Variants in XPNPEP3 observed in about 807,000 individuals in gnomAD.
The protein encoded by XPNPEP3 is X-prolyl aminopeptidase 3, also known as xaa-Pro aminopeptidase 3.
In XPNPEP3, 41 loss-of-function variants were observed where a neutral mutation model predicts 60.0. That is an observed-to-expected ratio of 0.68 (90% confidence interval 0.53 to 0.89). The LOEUF is 0.89. Ranked by LOEUF, XPNPEP3 falls within the 40% of genes least tolerant of loss-of-function variation. XPNPEP3 has a pLI of 0.00. For synonymous variants in XPNPEP3, 212 were observed against 223.2 expected (o/e 0.95, Z 0.45); for missense variants, 598 against 638.9 (o/e 0.94, Z 0.69).
At chr22:40,924,563 G>A (rs922265071) in intron 9 of XPNPEP3, 81 bp downstream of exon 9, 9 of 1,566,068 alleles carry the variant, frequency 5.7e-6, no homozygotes, top group African/African-American at 5.4e-5. Flanking sequence ...TTGCTCTTTC[G>A]CCCAGGCTGG....
chr22:40,902,381 G>T (rs1180513128), intron 4 of XPNPEP3, among the ~76,000 whole-genome samples: 5 of 151,770 alleles, frequency 3.3e-5, no homozygotes, highest in African/African-American at 1.2e-4. Context: ...CTCCCAAGTA[G>T]CTGGGACTAC....
At chr22:40,866,943 CT>C (rs2057981316) in intron 1 of XPNPEP3, among the ~76,000 whole-genome samples, 1 of 152,180 alleles carries the variant, frequency 6.6e-6, no homozygotes, top group Non-Finnish European at 1.5e-5. Flanking sequence ...TGAAATTTTA[CT>C]GCCTAATGAG....
intron 4 of XPNPEP3, among the ~76,000 whole-genome samples, chr22:40,904,768 T>A (rs2058148126): frequency 6.6e-6 from 1 of 152,162 alleles, no homozygotes; most frequent in South Asian, 2.1e-4. Flanking sequence ...ATTTTTTAAT[T>A]TTTTTATTTT....
intron 1 of XPNPEP3, among the ~76,000 whole-genome samples, chr22:40,867,242 C>T (rs1358831403): frequency 1.3e-5 from 2 of 152,194 alleles, no homozygotes; most frequent in Middle Eastern, 3.2e-3. Context: ...AGGTTACACA[C>T]TTAGTACCAG....
chr22:40,888,966 T>G (rs1192487839), intron 4 of XPNPEP3, among the ~76,000 whole-genome samples: 4 of 152,200 alleles, frequency 2.6e-5, no homozygotes, highest in Non-Finnish European at 5.9e-5. Flanking sequence ...TAATGATTAG[T>G]GGTGTTGGGC....
At chr22:40,893,250 G>C (rs2058095314) in intron 4 of XPNPEP3, among the ~76,000 whole-genome samples, 1 of 150,216 alleles carries the variant, frequency 6.7e-6, no homozygotes, top group African/African-American at 2.4e-5. Context: ...GCTTATGCCT[G>C]TAATCCCAGC....
At chr22:40,861,696 A>T (rs1246621058) in intron 1 of XPNPEP3, 9 of 1,614,068 alleles carry the variant, frequency 5.6e-6, no homozygotes, top group Non-Finnish European at 7.6e-6. Flanking sequence ...TTCATGAAAA[A>T]TTTCTTTAAA....
intron 3 of XPNPEP3, among the ~76,000 whole-genome samples, chr22:40,885,827 C>G (rs1460675743): frequency 6.6e-6 from 1 of 151,978 alleles, no homozygotes; most frequent in Non-Finnish European, 1.5e-5. Context: ...ACTGAAAATA[C>G]AAAAATTAGC....
intron 1 of XPNPEP3, chr22:40,861,582 A>T (rs112058522): frequency 6.2e-7 from 1 of 1,613,262 alleles, no homozygotes; most frequent in Admixed American, 1.7e-5. Flanking sequence ...GGCAGTGGAG[A>T]AAAAGTATCC....
rs750335206 is a variant in XPNPEP3, at chr22:40,922,413, C to T, written c.1136C>T (p.Thr379Ile). Residue 379 changes from threonine (T) to isoleucine (I), a missense_variant, in exon 8 of 10, where the codon ACA becomes ATA. Transcript: ENST00000357137. Reference sequence around the variant, plus strand: ...TGTTTGGCCCTCTGCTTCCCTGGGACAAGCTTGGAGAACATCTACAGCATG... The same window carrying T: ...TGTTTGGCCCTCTGCTTCCCTGGGATAAGCTTGGAGAACATCTACAGCATG... Reference protein sequence around the residue: ...RDCLALCFPGTSLENIYSMML... With the variant: ...RDCLALCFPGISLENIYSMML... 1 of 1,613,848 alleles carries T rather than the reference C, an allele frequency of 6.2e-7. No homozygotes were observed. The highest frequency in any genetic ancestry group is 8.5e-7 in the Non-Finnish European group (1 of 1,179,844).
intron 5 of XPNPEP3, among the ~76,000 whole-genome samples, chr22:40,908,245 C>T (rs1282719069): frequency 1.3e-5 from 2 of 150,194 alleles, no homozygotes; most frequent in Non-Finnish European, 3.0e-5. Context: ...TGAGGCCAGG[C>T]GTGCTGGCAC....
At position 40,882,085 on chromosome 22, in the gene XPNPEP3, C is replaced by G. The variant is rs772208388; in HGVS notation, c.497C>G (p.Pro166Arg). 5.0e-6 allele frequency: 8 copies of G among 1,613,988 alleles called. No individual in the cohort carries two copies. Among genetic ancestry groups the G allele is most frequent in the Non-Finnish European group, 6.8e-6 (8 of 1,179,932 alleles). The change falls in exon 3 of 10, where the codon CCG becomes CGG. Residue 166 changes from proline to arginine, a missense_variant. Physicochemically the swap from Pro to Arg is moderately radical, Grantham distance 103 (BLOSUM62 -2). Coordinates refer to ENST00000357137, the MANE Select transcript of XPNPEP3 (RefSeq NM_022098.4). Reference protein sequence around the residue: ...RDPSRELWDGPRSGTDGAIAL... With the variant: ...RDPSRELWDGRRSGTDGAIAL... ...CCCAGTCGAGAACTTTGGGATGGTCCGCGATCTGGCACTGATGGAGCAATA... is the reference window on the plus strand; with the variant it reads ...CCCAGTCGAGAACTTTGGGATGGTCGGCGATCTGGCACTGATGGAGCAATA...
chr22:40,899,512 A>C (rs2058122855), intron 4 of XPNPEP3, among the ~76,000 whole-genome samples: 1 of 152,224 alleles, frequency 6.6e-6, no homozygotes, highest in Non-Finnish European at 1.5e-5. Context: ...GGACAGATGG[A>C]TATCCATATG....
intron 6 of XPNPEP3, among the ~76,000 whole-genome samples, chr22:40,911,683 A>G (rs1169522651): frequency 6.6e-6 from 1 of 151,898 alleles, no homozygotes; most frequent in Admixed American, 6.6e-5. Context: ...AGGTGGGATT[A>G]CAGGCGCCCA....
chr22:40,924,335 T>C, intron 8 of XPNPEP3, 27 bp from the exon 9 acceptor site: 2 of 1,614,008 alleles, frequency 1.2e-6, no homozygotes, highest in South Asian at 1.1e-5. Context: ...ATTGCTCTAA[T>C]GATACTGTGA....
At position 40,926,547 on chromosome 22, in the gene XPNPEP3, G is replaced by T; in HGVS notation, c.*112G>T. 1 of 1,316,276 alleles carries T rather than the reference G, an allele frequency of 7.6e-7. No homozygotes were observed. The highest frequency in any genetic ancestry group is 1.1e-6 in the Non-Finnish European group (1 of 915,412). The allele number at this position is 1,316,276 out of a possible 1,614,324, so 81.5% of individuals were successfully genotyped here. ...GTGCATTAATATATGCATTCCATTT[G>T]GGAGCATAGCAGCTGTGTGAATGTA... On this transcript the variant is annotated 3_prime_UTR_variant, in exon 10 of 10. Coordinates refer to ENST00000357137, the MANE Select transcript of XPNPEP3 (RefSeq NM_022098.4).
intron 5 of XPNPEP3, among the ~76,000 whole-genome samples, chr22:40,908,488 A>T (rs1351259432): frequency 6.6e-6 from 1 of 152,170 alleles, no homozygotes; most frequent in Non-Finnish European, 1.5e-5. Context: ...ACTGCACTCC[A>T]GCCTGGGTGA....
chr22:40,861,686 T>G (rs747124543), intron 1 of XPNPEP3: 4 of 1,614,110 alleles, frequency 2.5e-6, no homozygotes, highest in Admixed American at 1.7e-5. Flanking sequence ...ATGGATCCCT[T>G]TCATGAAAAA....
At position 40,904,264 on chromosome 22, in the gene XPNPEP3, T is replaced by G. The variant is rs546202929; in HGVS notation, c.793-3323T>G. Among the ~76,000 whole-genome samples, 12 of 152,316 alleles carry G rather than the reference T, an allele frequency of 7.9e-5. No homozygotes were observed. The South Asian group carries it at 2.3e-3, about 29-fold the overall frequency. ...GTACCTGGAATGCTCTGTAAAGAAA[T>G]TGACTCATAGGAGGCACATTCCTTA... On this transcript the variant is annotated intron_variant, in intron 4 of 9. Coordinates refer to ENST00000357137, the MANE Select transcript of XPNPEP3 (RefSeq NM_022098.4).
Sources: allele counts gnomAD v4.1 joint callset (sites outside exome capture counted in the v4.1 genomes callset), GRCh38; gene constraint gnomAD v4.1.1; transcripts MANE v1.5; gene names NCBI Gene and HGNC (gene_info 2026-07-23, HGNC 2026-07-21).